The following DGKB variants were observed in gnomAD, a reference collection of about 807,000 sequenced individuals.
DGKB encodes the protein 90 kDa diacylglycerol kinase.
In DGKB, 67 loss-of-function variants were observed where a neutral mutation model predicts 114.3. The ratio of observed to expected loss-of-function variants is 0.59; its 90% CI spans 0.48 to 0.72. The LOEUF is 0.72. Ranked by LOEUF, DGKB falls within the 30% of genes least tolerant of loss-of-function variation. The pLI, the probability that DGKB is intolerant of heterozygous loss-of-function variation, is 0.00. For synonymous variants in DGKB, 398 were observed against 323.1 expected (o/e 1.23, Z -2.49); for missense variants, 907 against 975.2 (o/e 0.93, Z 0.93).
At chr7:14,570,925 A>G (rs1798288205) in intron 20 of DGKB, among the ~76,000 whole-genome samples, 1 of 152,164 alleles carries the variant, frequency 6.6e-6, no homozygotes, top group African/African-American at 2.4e-5. Flanking sequence ...TACAACCTCG[A>G]CACTATTGAC....
At chr7:14,389,520 G>C (rs1820979383) in intron 21 of DGKB, among the ~76,000 whole-genome samples, 1 of 152,160 alleles carries the variant, frequency 6.6e-6, no homozygotes, top group African/African-American at 2.4e-5. Context: ...CCATTGATTT[G>C]CAACAAAGTC....
intron 20 of DGKB, among the ~76,000 whole-genome samples, chr7:14,532,701 T>C (rs1791799455): frequency 6.6e-6 from 1 of 151,558 alleles, no homozygotes; most frequent in Non-Finnish European, 1.5e-5. Flanking sequence ...GATGTATAAA[T>C]GCCATTCTCT....
At chr7:14,959,927 G>T (rs1786743022) in intron 1 of DGKB, among the ~76,000 whole-genome samples, 1 of 151,814 alleles carries the variant, frequency 6.6e-6, no homozygotes, top group African/African-American at 2.4e-5. Context: ...TTTTCCTTAA[G>T]CAAAATGATT....
intron 1 of DGKB, among the ~76,000 whole-genome samples, chr7:14,897,269 A>T (rs536183205): frequency 6.6e-6 from 1 of 152,074 alleles, no homozygotes; most frequent in South Asian, 2.1e-4. Context: ...ATTAGAATTT[A>T]AAATTAGAAT....
At chr7:14,286,787 A>G (rs1040591296) in intron 23 of DGKB, among the ~76,000 whole-genome samples, 1 of 152,134 alleles carries the variant, frequency 6.6e-6, no homozygotes, top group Non-Finnish European at 1.5e-5. Flanking sequence ...TAAGCATATT[A>G]TAACTTAACA....
intron 23 of DGKB, among the ~76,000 whole-genome samples, chr7:14,207,472 T>C (rs2128298378): frequency 6.6e-6 from 1 of 151,942 alleles, no homozygotes; most frequent in East Asian, 1.9e-4. Context: ...TGTGCCCAGC[T>C]TCTCTGTGGT....
At chr7:14,604,742 G>T (rs1804171135) in intron 17 of DGKB, among the ~76,000 whole-genome samples, 1 of 152,058 alleles carries the variant, frequency 6.6e-6, no homozygotes, top group African/African-American at 2.4e-5. Context: ...AAACAGGGCT[G>T]GGAGGATTCA....
At chr7:14,613,144 T>C (rs1805873328) in intron 16 of DGKB, among the ~76,000 whole-genome samples, 196 bp downstream of exon 16, 1 of 152,048 alleles carries the variant, frequency 6.6e-6, no homozygotes, top group African/African-American at 2.4e-5. Flanking sequence ...ATAGTAAAAA[T>C]AGTTACAAAA....
chr7:14,423,616 C>A (rs1266546861), intron 21 of DGKB, among the ~76,000 whole-genome samples: 3 of 152,018 alleles, frequency 2.0e-5, no homozygotes, highest in Non-Finnish European at 2.9e-5. Flanking sequence ...AACTTTGCAA[C>A]TTTTAACTCA....
At chr7:14,756,102 T>C (rs1368080759) in intron 3 of DGKB, among the ~76,000 whole-genome samples, 6 of 151,910 alleles carry the variant, frequency 3.9e-5, no homozygotes, top group Non-Finnish European at 7.4e-5. Context: ...AAAAAATAAT[T>C]GAAGCAAAAA....
chr7:14,417,640 A>C (rs772564069), intron 21 of DGKB, among the ~76,000 whole-genome samples: 1 of 151,916 alleles, frequency 6.6e-6, no homozygotes, highest in Non-Finnish European at 1.5e-5. Flanking sequence ...ATTTTGGTTA[A>C]GTTTTTGCAT....
chr7:14,942,828 C>A (rs1282081647), intron 1 of DGKB, among the ~76,000 whole-genome samples: 1 of 152,012 alleles, frequency 6.6e-6, no homozygotes, highest in African/African-American at 2.4e-5. Context: ...ACCTAAAATA[C>A]CTTTTGCATT....
chr7:14,380,513 T>C (rs1819266050), intron 21 of DGKB, among the ~76,000 whole-genome samples: 1 of 152,140 alleles, frequency 6.6e-6, no homozygotes, highest in Non-Finnish European at 1.5e-5. Flanking sequence ...ACTCATATTG[T>C]TTTCATTTTG....
At chr7:14,628,581 T>C (rs551047689) in intron 14 of DGKB, among the ~76,000 whole-genome samples, 135 of 152,274 alleles carry the variant, frequency 8.9e-4, no homozygotes, top group African/African-American at 3.2e-3. Context: ...CCAATGAATA[T>C]AAATGTACAT....
intron 21 of DGKB, among the ~76,000 whole-genome samples, chr7:14,417,163 T>A (rs1451679062): frequency 2.0e-5 from 3 of 152,094 alleles, no homozygotes; most frequent in Non-Finnish European, 4.4e-5. Context: ...GTTTCCATAA[T>A]GATTAGGTGT....
intron 20 of DGKB, among the ~76,000 whole-genome samples, chr7:14,569,665 T>C (rs1168101507): frequency 6.6e-6 from 1 of 152,144 alleles, no homozygotes; most frequent in Non-Finnish European, 1.5e-5. Context: ...TTGTAGCATG[T>C]ATAATTTAGT....
At chr7:14,189,324 A>C (rs2079460) in intron 23 of DGKB, among the ~76,000 whole-genome samples, 44,188 of 152,034 alleles carry the variant, frequency 0.29, 8,462 homozygotes, top group African/African-American at 0.56. Flanking sequence ...ACCAAAGTTA[A>C]GTTGCCATCA....
At chr7:14,877,602 G>T (rs1362688972) in intron 1 of DGKB, among the ~76,000 whole-genome samples, 1 of 152,114 alleles carries the variant, frequency 6.6e-6, no homozygotes, top group South Asian at 2.1e-4. Context: ...TTTATTTTGG[G>T]TGACCCCTCT....
chr7:14,859,666 C>A lies in DGKB; in HGVS notation c.-187-18216G>T, dbSNP rs559682763. 4.6e-5 allele frequency among the ~76,000 whole-genome samples: 7 copies of A among 152,184 alleles called. No homozygotes were observed. In the East Asian group the frequency reaches 1.2e-3, roughly 25 times the overall value. Reference sequence around the variant, plus strand: ...ATTTTCTTTTCCATTCTCTATCCAACCCTCTGAAAGTAACTACATTATCTT... The same window carrying A: ...ATTTTCTTTTCCATTCTCTATCCAAACCTCTGAAAGTAACTACATTATCTT... On this transcript the variant is annotated intron_variant, in intron 1 of 25. Coordinates refer to ENST00000402815, the MANE Select transcript of DGKB (RefSeq NM_001350709.2).
Sources: allele counts gnomAD v4.1 joint callset (sites outside exome capture counted in the v4.1 genomes callset), GRCh38; gene constraint gnomAD v4.1.1; transcripts MANE v1.5; gene names NCBI Gene and HGNC (gene_info 2026-07-23, HGNC 2026-07-21).